The following PC variants were observed in gnomAD, a reference collection of about 807,000 sequenced individuals.
PC encodes the protein pyruvate carboxylase.
A neutral mutation model predicts 107.8 loss-of-function variants in PC; 46 were observed. That is an observed-to-expected ratio of 0.43 (90% CI 0.34 to 0.55). The LOEUF (loss-of-function observed/expected upper bound fraction) is 0.55, where lower values mean the gene tolerates loss of function less well. Ranked by LOEUF, PC falls within the 20% of genes least tolerant of loss-of-function variation. The pLI is 0.04. For missense variants in PC, 1,241 were observed against 1,643.1 expected (o/e 0.76, Z 4.23); for synonymous variants, 662 against 684.7 (o/e 0.97, Z 0.52).
chr11:66,950,553 G>A (rs1949412140), intron 3 of PC, among the ~76,000 whole-genome samples: 1 of 152,082 alleles, frequency 6.6e-6, no homozygotes, highest in Non-Finnish European at 1.5e-5. Flanking sequence ...AGGAGGGGAG[G>A]GTGACAAGCT....
intron 3 of PC, among the ~76,000 whole-genome samples, chr11:66,897,023 C>T (rs1205274544): frequency 6.6e-6 from 1 of 152,060 alleles, no homozygotes; most frequent in Non-Finnish European, 1.5e-5. Flanking sequence ...CCTCTGCCCC[C>T]GGGATTCAAG....
At chr11:66,853,415 C>T in intron 12 of PC, 32 bp from the exon 13 acceptor site, 1 of 1,612,698 alleles carries the variant, frequency 6.2e-7, no homozygotes, top group Non-Finnish European at 8.5e-7. Context: ...GAGGGGGTCA[C>T]CATGCAGCAC....
At chr11:66,942,621 C>T (rs1949167852) in intron 3 of PC, among the ~76,000 whole-genome samples, 1 of 151,940 alleles carries the variant, frequency 6.6e-6, no homozygotes, top group Admixed American at 6.6e-5. Context: ...GGTTACAGAG[C>T]TTCAGTTTTA....
At chr11:66,863,696 C>T in intron 12 of PC, 78 bp downstream of exon 12, 2 of 1,461,462 alleles carry the variant, frequency 1.4e-6, no homozygotes, top group Non-Finnish European at 1.9e-6. Context: ...ATGTGCAAGG[C>T]CCTTGGTGGG....
rs144730277 is a variant in PC at position 66,892,115 on chromosome 11, G to A, written c.1-19956C>T. ...GTTATAGGAAGAGGAAGGGGAAGGA[G>A]TTGAGAGGGAATGACAAGTTGAAGA... is the stretch of plus-strand genomic sequence containing the variant. On this transcript the variant is annotated intron_variant, in intron 3 of 22. Coordinates refer to ENST00000393960, the MANE Select transcript of PC (RefSeq NM_001040716.2). Among the ~76,000 whole-genome samples the A allele has an allele frequency of 9.9e-5, 15 of 152,284 alleles. No homozygotes were observed. The East Asian group carries it at 2.7e-3, about 27-fold the overall frequency.
At position 66,871,401 on chromosome 11, in the gene PC, G is replaced by A; in HGVS notation, c.401C>T (p.Ala134Val). 1 of 1,613,710 alleles carries A rather than the reference G, an allele frequency of 6.2e-7. No individual in the cohort carries two copies. Reference sequence around the variant, plus strand: ...GCTTGGCCCAATAAACCGGACCCCTGCATCCTGGCAGGCCTGGGCGAAGTC... The same window carrying A: ...GCTTGGCCCAATAAACCGGACCCCTACATCCTGGCAGGCCTGGGCGAAGTC... ...RADFAQACQD[A>V]GVRFIGPSPE... is the part of the protein sequence containing the mutation. Residue 134 changes from alanine (A) to valine (V), a missense_variant, in exon 6 of 23, where the codon GCA (alanine) becomes GTA (valine). By Grantham distance (64) the Ala-to-Val change is moderately conservative. Coordinates refer to ENST00000393960, the MANE Select transcript of PC (RefSeq NM_001040716.2). This position sits in a 1 kb window ranked among gnomAD's most constrained non-coding sequence, Gnocchi z 7.4.
chr11:66,862,172 G>A (rs1022312038), intron 12 of PC, among the ~76,000 whole-genome samples: 1 of 152,182 alleles, frequency 6.6e-6, no homozygotes, highest in Admixed American at 6.5e-5. Flanking sequence ...CAGGGGGAGC[G>A]CGTGATGTCG....
chr11:66,939,312 T>C (rs1398586137), intron 3 of PC, among the ~76,000 whole-genome samples: 2 of 152,222 alleles, frequency 1.3e-5, no homozygotes. Context: ...ATGATATGCA[T>C]AGGTTATATG....
intron 3 of PC, among the ~76,000 whole-genome samples, chr11:66,932,496 C>T (rs1948883900): frequency 6.6e-6 from 1 of 152,094 alleles, no homozygotes; most frequent in Non-Finnish European, 1.5e-5. Flanking sequence ...ATGACTAAAC[C>T]CTTGGGCTTA....
intron 1 of PC, among the ~76,000 whole-genome samples, chr11:66,956,636 C>A (rs1251251951): frequency 6.6e-6 from 1 of 152,164 alleles, no homozygotes; most frequent in Non-Finnish European, 1.5e-5. Flanking sequence ...CAGAATAAAA[C>A]TTTCTAGCTG....
In PC at chr11:66,858,101, C is replaced by T. The variant is rs1288171985; in HGVS notation, c.1369-4718G>A. On this transcript the variant is annotated intron_variant, in intron 12 of 22. Coordinates refer to ENST00000393960, the MANE Select transcript of PC (RefSeq NM_001040716.2). The surrounding 1 kb of genome is among the most constrained non-coding windows in gnomAD (Gnocchi z 5.9). ...TGGGCACCGGGAGCCTCCGGGGCCC[C>T]GTCAATCTGCAGCACCTCATCCTCA... 1.2e-6 allele frequency: 2 copies of T among 1,609,796 alleles called. No individual in the cohort carries two copies. Among genetic ancestry groups the T allele is most frequent in the South Asian group, 2.2e-5 (2 of 91,026 alleles).
chr11:66,888,688 G>A (rs1251913390), intron 3 of PC, among the ~76,000 whole-genome samples: 2 of 152,266 alleles, frequency 1.3e-5, no homozygotes, highest in African/African-American at 4.8e-5. Context: ...CAACTTGTCT[G>A]GGGATGAACA....
intron 3 of PC, among the ~76,000 whole-genome samples, chr11:66,939,863 G>T (rs954689316): frequency 3.4e-5 from 5 of 145,630 alleles, no homozygotes. Flanking sequence ...AACAACTCCT[G>T]CAGAGACACA....
At chr11:66,925,101 C>T (rs1415815485) in intron 3 of PC, among the ~76,000 whole-genome samples, 1 of 152,124 alleles carries the variant, frequency 6.6e-6, no homozygotes, top group Non-Finnish European at 1.5e-5. Flanking sequence ...AATAGAATAT[C>T]ACAAGGCAAA....
At position 66,849,994 on chromosome 11, in the gene PC, G is replaced by T; in HGVS notation, c.2841C>A (p.Phe947Leu). The T allele has an allele frequency of 6.2e-7, 1 of 1,613,710 alleles. No homozygotes were observed. The highest frequency in any genetic ancestry group is 8.5e-7 in the Non-Finnish European group (1 of 1,180,032). The stretch of plus-strand genomic sequence containing the variant: ...GGGGGACACCGATGTAGCCCTGCAG[G>T]AACTCCACCACGGAGCGGGGAAAGG... The part of the protein sequence containing the change: ...ELSFPRSVVE[F>L]LQGYIGVPHG... The change falls in exon 20 of 23, where the codon TTC becomes TTA. Residue 947 changes from phenylalanine (F) to leucine (L), a missense_variant. By Grantham distance (22) the Phe-to-Leu change is conservative. This residue lies in a region of PC where 1,143 missense variants were observed against 1,551.9 expected (regional missense o/e 0.74). Transcript: ENST00000393960.
intron 3 of PC, among the ~76,000 whole-genome samples, chr11:66,897,285 C>CT (rs1423859021): frequency 6.6e-6 from 1 of 152,150 alleles, no homozygotes; most frequent in Non-Finnish European, 1.5e-5. Flanking sequence ...CAAAAAGTGA[C>CT]TAAGTCGGGG....
chr11:66,866,404 G>C lies in PC; in HGVS notation c.1023-55C>G. 4.0e-6 allele frequency: 5 copies of C among 1,244,346 alleles called. No individual in the cohort carries two copies. Among genetic ancestry groups the C allele is most frequent in the Non-Finnish European group, 5.8e-6 (5 of 865,542 alleles). 77.1% of individuals were successfully genotyped at this position (1,244,346 alleles called of 1,614,324 possible). A position where few individuals can be genotyped will look rare whatever the true frequency, so the allele number is the denominator to read the frequency against. Reference sequence around the variant, plus strand: ...GACGGGAGAAAGGGGGAAACATGAGGCGGGGGATAGACGAGGGGCACCGCA... The same window carrying C: ...GACGGGAGAAAGGGGGAAACATGAGCCGGGGGATAGACGAGGGGCACCGCA... On this transcript the variant is annotated intron_variant, in intron 10 of 22. Coordinates refer to ENST00000393960, the MANE Select transcript of PC (RefSeq NM_001040716.2). This position sits in a 1 kb window ranked among gnomAD's most constrained non-coding sequence, Gnocchi z 5.4.
At position 66,858,605 on chromosome 11, in the gene PC, G is replaced by A. The variant is rs1473685732; in HGVS notation, c.1368+5169C>T. 2 of 1,535,096 alleles carry A rather than the reference G, an allele frequency of 1.3e-6. No homozygotes were observed. Among genetic ancestry groups the A allele is most frequent in the East Asian group, 2.4e-5 (1 of 40,846 alleles). ...AGCCGCCCCTCATTGCCCGCCACAC[G>A]CAGCGCCTCTGGGTGCTGGAAGGCC... On this transcript the variant is annotated intron_variant, in intron 12 of 22. Transcript: ENST00000393960. This position sits in a 1 kb window ranked among gnomAD's most constrained non-coding sequence, Gnocchi z 5.9.
chr11:66,882,611 C>T (rs1947223433), intron 3 of PC, among the ~76,000 whole-genome samples: 1 of 152,222 alleles, frequency 6.6e-6, no homozygotes, highest in Non-Finnish European at 1.5e-5. Flanking sequence ...TCCTATGGGC[C>T]CAGCTGCCCC....
Sources: allele counts gnomAD v4.1 joint callset (sites outside exome capture counted in the v4.1 genomes callset), GRCh38; gene constraint gnomAD v4.1.1; regional missense constraint gnomAD v4.1.1; non-coding constraint Gnocchi (gnomAD v3.1); transcripts MANE v1.5; gene names NCBI Gene and HGNC (gene_info 2026-07-23, HGNC 2026-07-21).